NRG3: variants seen among roughly 807,000 people sequenced by gnomAD.
NRG3 encodes the protein neuregulin 3, also known as pro-neuregulin-3, membrane-bound isoform.
Under a neutral mutation model 66.9 loss-of-function variants are expected in NRG3, and 31 were observed. The ratio of observed to expected loss-of-function variants is 0.46; its 90% CI spans 0.35 to 0.63. The LOEUF (loss-of-function observed/expected upper bound fraction) is 0.63, where lower values mean the gene tolerates loss of function less well. Ranked by LOEUF, NRG3 falls within the 20% of genes least tolerant of loss-of-function variation. NRG3 has a pLI of 0.00. For synonymous variants in NRG3, 393 were observed against 359.4 expected (o/e 1.09, Z -1.06); for missense variants, 910 against 878.9 (o/e 1.04, Z -0.45).
chr10:82,048,900 A>G (rs1020451688), intron 1 of NRG3, among the ~76,000 whole-genome samples: 5 of 152,112 alleles, frequency 3.3e-5, no homozygotes, highest in African/African-American at 1.2e-4. Flanking sequence ...AGATGCAATA[A>G]AAAATGATAA....
intron 1 of NRG3, among the ~76,000 whole-genome samples, chr10:82,037,976 G>GA (rs2062864983): frequency 6.7e-6 from 1 of 149,632 alleles, no homozygotes; most frequent in African/African-American, 2.5e-5. Context: ...TGGGGAGGGG[G>GA]GAGAGAGAGA....
chr10:82,334,849 A>G (rs906023658), intron 1 of NRG3, among the ~76,000 whole-genome samples: 1 of 152,208 alleles, frequency 6.6e-6, no homozygotes, highest in African/African-American at 2.4e-5. Flanking sequence ...ATTAAACAAT[A>G]TATTTTGGAA....
intron 3 of NRG3, among the ~76,000 whole-genome samples, chr10:82,774,017 A>G (rs1459492176): frequency 6.6e-6 from 1 of 152,128 alleles, no homozygotes; most frequent in Non-Finnish European, 1.5e-5. Flanking sequence ...TGATTTGCAT[A>G]TATTAAACTG....
At chr10:82,079,017 C>T (rs1162358708) in intron 1 of NRG3, among the ~76,000 whole-genome samples, 2 of 152,058 alleles carry the variant, frequency 1.3e-5, no homozygotes, top group South Asian at 2.1e-4. Flanking sequence ...GTTGATAAAA[C>T]GTGTTGTATT....
chr10:82,234,749 C>CGG (rs1355744081), intron 1 of NRG3, among the ~76,000 whole-genome samples: 4 of 152,174 alleles, frequency 2.6e-5, no homozygotes, highest in African/African-American at 7.2e-5. Flanking sequence ...CTTCAGCTCA[C>CGG]TAAGATCTTT....
chr10:81,996,001 T>C (rs569211692), intron 1 of NRG3, among the ~76,000 whole-genome samples: 4 of 152,338 alleles, frequency 2.6e-5, no homozygotes, highest in African/African-American at 9.6e-5. Flanking sequence ...CATCCAGCTC[T>C]GGAATTTTTT....
At chr10:82,591,719 AAACCTTCTG>A (rs2133313344) in intron 2 of NRG3, among the ~76,000 whole-genome samples, 1 of 152,332 alleles carries the variant, frequency 6.6e-6, no homozygotes, top group South Asian at 2.1e-4. Flanking sequence ...CAACTCACAA[AAACCTTCTG>A]AAAATTTTCC....
At chr10:82,759,518 G>A (rs1476828623) in intron 3 of NRG3, among the ~76,000 whole-genome samples, 1 of 152,042 alleles carries the variant, frequency 6.6e-6, no homozygotes, top group Non-Finnish European at 1.5e-5. Flanking sequence ...TATGTCATGA[G>A]GACAGAAAAT....
chr10:82,898,099 C>T (rs1272097664), intron 4 of NRG3, among the ~76,000 whole-genome samples: 1 of 152,124 alleles, frequency 6.6e-6, no homozygotes, highest in Non-Finnish European at 1.5e-5. Context: ...GTCAGTGCCC[C>T]TAGAGCAACC....
At chr10:82,617,442 G>A (rs2048744596) in intron 2 of NRG3, among the ~76,000 whole-genome samples, 2 of 152,058 alleles carry the variant, frequency 1.3e-5, no homozygotes, top group Admixed American at 1.3e-4. Flanking sequence ...TGGAGAAAAG[G>A]GGAGTCTGAC....
chr10:82,296,778 A>AT (rs879504568), intron 1 of NRG3, among the ~76,000 whole-genome samples: 220 of 145,404 alleles, frequency 1.5e-3, no homozygotes, highest in East Asian at 2.4e-3. Context: ...GAGTGTATGT[A>AT]TTTTTTTTTT....
intron 1 of NRG3, among the ~76,000 whole-genome samples, chr10:82,211,340 A>G (rs2075382449): frequency 1.3e-5 from 2 of 152,168 alleles, no homozygotes; most frequent in African/African-American, 4.8e-5. Context: ...CTTTTTCTTT[A>G]AAGAGTTCTT....
intron 1 of NRG3, among the ~76,000 whole-genome samples, chr10:82,097,005 A>G (rs914081992): frequency 1.3e-5 from 2 of 152,174 alleles, no homozygotes; most frequent in Admixed American, 1.3e-4. Flanking sequence ...CTGAGTTTTG[A>G]CAAATGCATA....
intron 2 of NRG3, among the ~76,000 whole-genome samples, chr10:82,366,067 A>C (rs2135688079): frequency 6.6e-6 from 1 of 152,334 alleles, no homozygotes; most frequent in East Asian, 1.9e-4. Context: ...CAAAGCTGAG[A>C]GACCTGAGTT....
intron 1 of NRG3, among the ~76,000 whole-genome samples, chr10:82,310,945 G>T (rs1366619228): frequency 6.6e-6 from 1 of 152,160 alleles, no homozygotes; most frequent in South Asian, 2.1e-4. Context: ...TTTATGTGTT[G>T]CTTACTCTAA....
chr10:82,457,928 C>T (rs1026324303), intron 2 of NRG3, among the ~76,000 whole-genome samples: 3 of 152,184 alleles, frequency 2.0e-5, no homozygotes, highest in Admixed American at 1.3e-4. Flanking sequence ...TGTGGGGTTA[C>T]CATTTTTAAA....
intron 2 of NRG3, among the ~76,000 whole-genome samples, chr10:82,539,525 A>G (rs1046473567): frequency 6.6e-6 from 1 of 152,190 alleles, no homozygotes; most frequent in Non-Finnish European, 1.5e-5. Flanking sequence ...CTCTGAGGAC[A>G]GTCCTTGGAT....
intron 1 of NRG3, among the ~76,000 whole-genome samples, chr10:81,999,132 T>C (rs2061064844): frequency 6.6e-6 from 1 of 152,204 alleles, no homozygotes; most frequent in Non-Finnish European, 1.5e-5. Context: ...GAAATACCTT[T>C]TTAGATTCCA....
chr10:82,951,341 C>T (rs539199500), intron 4 of NRG3, 128 bp from the exon 5 acceptor site: 21 of 630,592 alleles, frequency 3.3e-5, no homozygotes, highest in African/African-American at 3.1e-4. Context: ...CTTGTTTTTT[C>T]CCTATTTATG....
Sources: gnomAD v4.1 joint callset for allele counts (sites outside exome capture counted in the v4.1 genomes callset) on GRCh38, gnomAD v4.1.1 for gene constraint, MANE v1.5 for transcripts, NCBI Gene and HGNC (gene_info 2026-07-23, HGNC 2026-07-21) for gene names.